The following OS9 variants were observed in gnomAD, a reference collection of about 807,000 sequenced individuals.
The protein encoded by OS9 is OS9 endoplasmic reticulum lectin.
A neutral mutation model predicts 84.7 loss-of-function variants in OS9; 58 were observed. That is an observed-to-expected ratio of 0.68 (90% confidence interval 0.55 to 0.85). OS9 has a LOEUF of 0.85. OS9 is among the 40% of genes least tolerant of loss of function. OS9 has a pLI of 0.00. For missense variants in OS9, 760 were observed against 850.9 expected (o/e 0.89, Z 1.33); for synonymous variants, 278 against 320.8 (o/e 0.87, Z 1.43).
chr12:57,705,754 G>A (rs1393684555), intron 5 of OS9, among the ~76,000 whole-genome samples: 1 of 152,008 alleles, frequency 6.6e-6, no homozygotes, highest in Non-Finnish European at 1.5e-5. Flanking sequence ...TCAAACTCCT[G>A]GCCTCATGTG....
chr12:57,716,279 T>TGGGGGGGGGGGGGG (rs141328077), intron 7 of OS9, 86 bp downstream of exon 7: 5 of 511,634 alleles, frequency 9.8e-6, no homozygotes, highest in Admixed American at 6.1e-5. Flanking sequence ...ACTGGTGGGG[T>TGGGGGGGGGGGGGG]GGGGGGGGGT....
At chr12:57,710,716 C>T (rs1954299720) in intron 5 of OS9, among the ~76,000 whole-genome samples, 1 of 151,838 alleles carries the variant, frequency 6.6e-6, no homozygotes. Flanking sequence ...GATACAAAAC[C>T]CAGAAAGTAT....
intron 5 of OS9, among the ~76,000 whole-genome samples, chr12:57,703,118 C>T (rs577082876): frequency 5.3e-5 from 8 of 152,150 alleles, no homozygotes; most frequent in Middle Eastern, 6.8e-3. Context: ...TGTAATGGCG[C>T]GATCTCAGCT....
At chr12:57,715,224 A>G (rs1954448640) in intron 5 of OS9, among the ~76,000 whole-genome samples, 1 of 152,052 alleles carries the variant, frequency 6.6e-6, no homozygotes. Flanking sequence ...TTAGCCAGGC[A>G]TGATGGCAGG....
rs753981584 is a variant in OS9, at chr12:57,716,710, T to C, written c.1011T>C (p.Pro337=). The C allele has an allele frequency of 8.1e-6, 13 of 1,613,964 alleles. No individual in the cohort carries two copies. The highest frequency in any genetic ancestry group is 1.1e-5 in the Non-Finnish European group (13 of 1,179,938). The change falls in exon 9 of 15, where the codon CCT becomes CCC. Residue 337 remains proline, a synonymous_variant. Coordinates refer to ENST00000315970, the MANE Select transcript of OS9 (RefSeq NM_006812.4). ...CTCGTCAGGAGCAGGACCCAAGCCC[T>C]GAGGCAGCAGATTCAGCTTCTGGTG... ...EVPAEEQDPS[P]EAADSASGAP...
At chr12:57,718,654 C>A (rs2239891) in intron 11 of OS9, among the ~76,000 whole-genome samples, 16,777 of 152,160 alleles carry the variant, frequency 0.11, 1,188 homozygotes, top group Admixed American at 0.21. Context: ...CCTGTAATCC[C>A]AGCACTTTGG....
At position 57,703,320 on chromosome 12, in the gene OS9, C is replaced by A. The variant is rs1954076813; in HGVS notation, c.579+6947C>A. Among the ~76,000 whole-genome samples the A allele has an allele frequency of 5.9e-5, 9 of 152,158 alleles. No individual in the cohort carries two copies. In the South Asian group the frequency reaches 1.9e-3, roughly 32 times the overall value. On this transcript the variant is annotated intron_variant, in intron 5 of 14. Coordinates refer to ENST00000315970, the MANE Select transcript of OS9 (RefSeq NM_006812.4). Reference sequence around the variant, plus strand: ...CTCGTTATGTTGCCCAGGCTAGCCTCAAACTCCTGGGCTCAGGTAAGCTTC... The same window carrying A: ...CTCGTTATGTTGCCCAGGCTAGCCTAAAACTCCTGGGCTCAGGTAAGCTTC...
chr12:57,707,762 C>G (rs1408977944), intron 5 of OS9, among the ~76,000 whole-genome samples: 2 of 151,740 alleles, frequency 1.3e-5, no homozygotes, highest in Non-Finnish European at 2.9e-5. Flanking sequence ...ATTCTGATTT[C>G]TTTTTTTTCT....
chr12:57,716,279 T>TGGGG (rs141328077), intron 7 of OS9, 86 bp downstream of exon 7: 91 of 511,612 alleles, frequency 1.8e-4, no homozygotes, highest in South Asian at 1.5e-3. Context: ...ACTGGTGGGG[T>TGGGG]GGGGGGGGGT....
intron 5 of OS9, among the ~76,000 whole-genome samples, chr12:57,706,278 T>C (rs546716236): frequency 7.2e-5 from 11 of 152,278 alleles, no homozygotes; most frequent in Non-Finnish European, 1.6e-4. Flanking sequence ...GTTTTTTTAA[T>C]ATTAAAAATG....
chr12:57,717,196 A>C (rs1459762545), intron 9 of OS9, among the ~76,000 whole-genome samples: 2 of 152,224 alleles, frequency 1.3e-5, no homozygotes, highest in Non-Finnish European at 1.5e-5. Flanking sequence ...TCAGAAGTGC[A>C]TGGAAGAGTG....
At chr12:57,716,271 T>TGGTGG in intron 7 of OS9, 78 bp downstream of exon 7, 2 of 359,918 alleles carry the variant, frequency 5.6e-6, no homozygotes, top group South Asian at 4.3e-5. Flanking sequence ...CCTGACTGAC[T>TGGTGG]GGTGGGGTGG....
intron 9 of OS9, among the ~76,000 whole-genome samples, chr12:57,717,424 A>G (rs978190150): frequency 3.3e-5 from 5 of 152,232 alleles, no homozygotes; most frequent in African/African-American, 1.2e-4. Flanking sequence ...AGTTACTTGG[A>G]AGGCTGATGC....
In OS9 at chr12:57,718,295, T is replaced by A. The variant is rs1363620587; in HGVS notation, c.1284T>A (p.Asp428Glu). 1 of 1,614,062 alleles carries A rather than the reference T, an allele frequency of 6.2e-7. No individual in the cohort carries two copies. Among genetic ancestry groups the A allele is most frequent in the Non-Finnish European group, 8.5e-7 (1 of 1,179,974 alleles). ...DEDEDEDEDEDERQLLGEFEK... is the reference protein window; with the variant it reads ...DEDEDEDEDEEERQLLGEFEK... ...ATGAGGATGAGGATGAAGATGAGGATGAACGGCAGTTACTGGGAGAATTTG... is the reference window on the plus strand; with the variant it reads ...ATGAGGATGAGGATGAAGATGAGGAAGAACGGCAGTTACTGGGAGAATTTG... Residue 428 changes from aspartate (D) to glutamate (E), a missense_variant, in exon 11 of 15, where the codon GAT becomes GAA. By Grantham distance (45) the Asp-to-Glu change is conservative. Transcript: ENST00000315970.
chr12:57,695,685 G>A (rs1953805441), intron 2 of OS9, 95 bp from the exon 3 acceptor site: 4 of 806,634 alleles, frequency 5.0e-6, no homozygotes, highest in South Asian at 2.7e-5. Context: ...TGTGTAAGTA[G>A]ATGAGAGGTT....
Position 57,694,321 on chromosome 12 carries a change from C to G in OS9, c.160C>G (p.Gln54Glu). 6.2e-7 allele frequency: 1 copy of G among 1,613,924 alleles called. No individual in the cohort carries two copies. Among genetic ancestry groups the G allele is most frequent in the Non-Finnish European group, 8.5e-7 (1 of 1,179,952 alleles). ...CCTGCCGTTGCCTGTCATGGGAGGG[C>G]AGGTGAGAGGCGTATAAGGGGCGAG... ...EILPLPVMGG[Q>E]SQSSDVVIVS... Residue 54 changes from glutamine to glutamate, a missense_variant and splice_region_variant, in exon 1 of 15, where the codon CAG becomes GAG. Transcript: ENST00000315970.
intron 5 of OS9, among the ~76,000 whole-genome samples, chr12:57,711,326 A>G (rs896323212): frequency 7.0e-6 from 1 of 143,880 alleles, no homozygotes; most frequent in Admixed American, 7.2e-5. Context: ...AGATCTTTCA[A>G]TGGCAGTATA....
Position 57,719,100 on chromosome 12 carries a change from A to G in OS9, c.1518A>G (p.Glu506=), listed in dbSNP as rs199685616. The G allele has an allele frequency of 2.5e-6, 4 of 1,614,182 alleles. No individual in the cohort carries two copies. The South Asian group carries it at 3.3e-5, about 13-fold the overall frequency. The change falls in exon 12 of 15, where the codon GAA becomes GAG. Residue 506 remains glutamate, a synonymous_variant. Coordinates refer to ENST00000315970, the MANE Select transcript of OS9 (RefSeq NM_006812.4). ...ACAAACTCATCAAAAGACTGGAGGA[A>G]AAACAGAGTCCAGAGCTGGTGAAGA... The part of the protein sequence containing the change: ...TLNKLIKRLE[E]KQSPELVKKH...
intron 5 of OS9, among the ~76,000 whole-genome samples, chr12:57,701,108 A>G (rs1954009403): frequency 6.6e-6 from 1 of 151,940 alleles, no homozygotes; most frequent in Non-Finnish European, 1.5e-5. Context: ...AACCCTCACT[A>G]TGTTTGTTTT....
Sources: gnomAD v4.1 joint callset for allele counts (sites outside exome capture counted in the v4.1 genomes callset) on GRCh38, gnomAD v4.1.1 for gene constraint, MANE v1.5 for transcripts, NCBI Gene and HGNC (gene_info 2026-07-23, HGNC 2026-07-21) for gene names.